GPC5: variants seen among roughly 807,000 people sequenced by gnomAD.
GPC5 encodes glypican-5.
In GPC5, 47 loss-of-function variants were observed where a neutral mutation model predicts 53.9. That is an observed-to-expected ratio of 0.87 (90% CI 0.69 to 1.11). The LOEUF is 1.11. Ranked by LOEUF, GPC5 falls within the 50% of genes most tolerant of loss-of-function variation. The pLI, the probability that GPC5 is intolerant of heterozygous loss-of-function variation, is 0.00. For synonymous variants in GPC5, 286 were observed against 263.3 expected, an observed-to-expected ratio of 1.09 and a Z score of -0.84; for missense variants, 748 against 713.1, an observed-to-expected ratio of 1.05 and a Z score of -0.56.
chr13:92,258,582 CT>C (rs2042743295), intron 7 of GPC5, among the ~76,000 whole-genome samples: 1 of 152,090 alleles, frequency 6.6e-6, no homozygotes, highest in Non-Finnish European at 1.5e-5. Flanking sequence ...GGATTTATTT[CT>C]ATAAGATAGC....
intron 7 of GPC5, among the ~76,000 whole-genome samples, chr13:92,667,211 C>T (rs545213977): frequency 4.6e-5 from 7 of 152,074 alleles, no homozygotes; most frequent in East Asian, 1.9e-4. Flanking sequence ...TGTGTGTGTA[C>T]GGAAATGTAC....
intron 7 of GPC5, among the ~76,000 whole-genome samples, chr13:92,146,834 A>G (rs1028193109): frequency 6.6e-6 from 1 of 152,080 alleles, no homozygotes; most frequent in African/African-American, 2.4e-5. Flanking sequence ...TGTGAATACC[A>G]TTAGTTCATT....
intron 7 of GPC5, among the ~76,000 whole-genome samples, chr13:92,863,477 T>G (rs960273038): frequency 8.5e-5 from 13 of 152,166 alleles, no homozygotes; most frequent in African/African-American, 3.1e-4. Context: ...AGCAGAGCAC[T>G]CCCTGACCAA....
At chr13:91,792,255 C>T (rs972184173) in intron 5 of GPC5, among the ~76,000 whole-genome samples, 1 of 152,168 alleles carries the variant, frequency 6.6e-6, no homozygotes, top group Non-Finnish European at 1.5e-5. Flanking sequence ...TTCTTGATAA[C>T]CAGAATCAAC....
intron 4 of GPC5, among the ~76,000 whole-genome samples, chr13:91,743,021 A>G (rs1212630768): frequency 6.6e-6 from 1 of 152,186 alleles, no homozygotes; most frequent in Non-Finnish European, 1.5e-5. Flanking sequence ...TTAGTAATGT[A>G]TGTAATTATT....
rs185120200 is a variant in GPC5, at chr13:92,306,246, G to A, written c.1561+161257G>A. Reference sequence around the variant, plus strand: ...TTGTGTGAATTCCTGAAACAGATAAGAAGTTAGATTTTTAATCCCTCCTTT... The same window carrying A: ...TTGTGTGAATTCCTGAAACAGATAAAAAGTTAGATTTTTAATCCCTCCTTT... On this transcript the variant is annotated intron_variant, in intron 7 of 7. Transcript: ENST00000377067. Among the ~76,000 whole-genome samples the A allele has an allele frequency of 5.3e-3, 804 of 151,938 alleles. 2 individuals carry two copies. Among genetic ancestry groups the A allele is most frequent in the Non-Finnish European group, 8.3e-3 (567 of 68,022 alleles).
intron 5 of GPC5, among the ~76,000 whole-genome samples, chr13:91,761,531 C>A (rs965703585): frequency 2.0e-5 from 3 of 152,186 alleles, no homozygotes; most frequent in African/African-American, 7.2e-5. Context: ...TTCTGACCAA[C>A]TGGCTTCAAG....
At chr13:91,779,358 C>CT (rs1036258392) in intron 5 of GPC5, among the ~76,000 whole-genome samples, 13 of 150,998 alleles carry the variant, frequency 8.6e-5, no homozygotes, top group East Asian at 5.8e-4. Context: ...TTTCTTTTTT[C>CT]TTTTTTTTTA....
chr13:92,071,416 T>G (rs2041210201), intron 6 of GPC5, among the ~76,000 whole-genome samples: 1 of 152,184 alleles, frequency 6.6e-6, no homozygotes, highest in African/African-American at 2.4e-5. Context: ...TTCCAAAATT[T>G]TTTAAAAGCA....
chr13:91,416,454 T>TTTATTATTA (rs368453925), intron 1 of GPC5, among the ~76,000 whole-genome samples: 12 of 150,990 alleles, frequency 7.9e-5, no homozygotes, highest in African/African-American at 2.2e-4. Flanking sequence ...ATCCATTTCT[T>TTTATTATTA]TTATTATTAT....
At chr13:91,567,195 C>G (rs9589294) in intron 2 of GPC5, among the ~76,000 whole-genome samples, 385 of 152,098 alleles carry the variant, frequency 2.5e-3, no homozygotes, top group African/African-American at 9.1e-3. Flanking sequence ...TTAAAGGAAC[C>G]TGGAGATTTC....
intron 6 of GPC5, among the ~76,000 whole-genome samples, chr13:92,088,200 T>C (rs2138891418): frequency 6.6e-6 from 1 of 152,324 alleles, no homozygotes; most frequent in South Asian, 2.1e-4. Flanking sequence ...CTAACTACTC[T>C]ACCGAAGCTG....
intron 2 of GPC5, among the ~76,000 whole-genome samples, chr13:91,482,562 A>T (rs1883364474): frequency 6.6e-6 from 1 of 152,192 alleles, no homozygotes; most frequent in African/African-American, 2.4e-5. Flanking sequence ...TCAATTCCAG[A>T]TTTACTAAAT....
intron 7 of GPC5, among the ~76,000 whole-genome samples, chr13:92,342,335 A>G (rs1371533460): frequency 6.6e-6 from 1 of 152,124 alleles, no homozygotes; most frequent in Non-Finnish European, 1.5e-5. Context: ...ACTGGGGGAC[A>G]TTGTTCACAA....
chr13:91,672,551 G>A (rs2035275705), intron 2 of GPC5, among the ~76,000 whole-genome samples: 1 of 152,184 alleles, frequency 6.6e-6, no homozygotes, highest in Non-Finnish European at 1.5e-5. Context: ...TCTCTCTGTA[G>A]TCAGAATGAT....
At chr13:92,732,738 G>A (rs1888840436) in intron 7 of GPC5, among the ~76,000 whole-genome samples, 1 of 151,702 alleles carries the variant, frequency 6.6e-6, no homozygotes, top group Non-Finnish European at 1.5e-5. Flanking sequence ...TACCAAGCCT[G>A]CTGCACAATC....
chr13:92,259,596 C>T (rs1488536463), intron 7 of GPC5, among the ~76,000 whole-genome samples: 3 of 152,130 alleles, frequency 2.0e-5, no homozygotes, highest in Non-Finnish European at 4.4e-5. Flanking sequence ...TCCTGTTTCT[C>T]ATCTTACTAA....
intron 7 of GPC5, among the ~76,000 whole-genome samples, chr13:92,305,587 A>G (rs1349156607): frequency 6.6e-6 from 1 of 152,190 alleles, no homozygotes; most frequent in African/African-American, 2.4e-5. Context: ...CTTGAAGAAC[A>G]TCATGAAAAA....
intron 7 of GPC5, among the ~76,000 whole-genome samples, chr13:92,432,906 C>G (rs931542579): frequency 4.6e-5 from 7 of 151,960 alleles, no homozygotes; most frequent in African/African-American, 1.7e-4. Flanking sequence ...AAATATTTGA[C>G]AGTCATTAGT....
Sources: gnomAD v4.1 joint callset for allele counts (sites outside exome capture counted in the v4.1 genomes callset) on GRCh38, gnomAD v4.1.1 for gene constraint, MANE v1.5 for transcripts, NCBI Gene and HGNC (gene_info 2026-07-23, HGNC 2026-07-21) for gene names.